Variants in MON2 observed in about 807,000 individuals in gnomAD.
MON2 encodes the protein MON2 regulator of endosome-to-Golgi trafficking.
A neutral mutation model predicts 208.6 loss-of-function variants in MON2; 84 were observed. The observed-to-expected ratio is 0.40, with a 90% CI of 0.34 to 0.48. The LOEUF is 0.48. Among genes scored for constraint, MON2 ranks in the 20% least tolerant of loss-of-function variants. The pLI, the probability that MON2 is intolerant of heterozygous loss-of-function variation, is 0.59. For synonymous variants in MON2, 660 were observed against 694.0 expected, an observed-to-expected ratio of 0.95 and a Z score of 0.77; for missense variants, 1,611 against 2,015.4, an observed-to-expected ratio of 0.80 and a Z score of 3.84.
chr12:62,571,348 G>A, intron 29 of MON2, 44 bp from the exon 30 acceptor site: 11 of 1,318,120 alleles, frequency 8.3e-6, no homozygotes, highest in South Asian at 1.6e-5. Context: ...AATTGTGTGT[G>A]TATGTTTTAA....
At chr12:62,516,699 C>T (rs2071711388) in intron 8 of MON2, among the ~76,000 whole-genome samples, 1 of 152,006 alleles carries the variant, frequency 6.6e-6, no homozygotes, top group South Asian at 2.1e-4. Flanking sequence ...AGCAAAACTC[C>T]ATCTCTAAAT....
At chr12:62,518,315 A>G (rs920405197) in intron 8 of MON2, among the ~76,000 whole-genome samples, 1 of 152,210 alleles carries the variant, frequency 6.6e-6, no homozygotes, top group African/African-American at 2.4e-5. Flanking sequence ...CTTTGCATAC[A>G]TTAATACATT....
chr12:62,546,785 C>A, intron 21 of MON2, 112 bp from the exon 22 acceptor site: 2 of 759,464 alleles, frequency 2.6e-6, no homozygotes, highest in Non-Finnish European at 4.0e-6. Context: ...ATAAAAATAT[C>A]TATTTCCCAT....
intron 1 of MON2, among the ~76,000 whole-genome samples, chr12:62,475,137 T>C (rs903448103): frequency 6.6e-6 from 1 of 152,218 alleles, no homozygotes; most frequent in African/African-American, 2.4e-5. Flanking sequence ...TCAAATCTTC[T>C]TCATATGCCT....
At chr12:62,491,079 A>G (rs777364520) in intron 2 of MON2, among the ~76,000 whole-genome samples, 1 of 152,120 alleles carries the variant, frequency 6.6e-6, no homozygotes, top group Non-Finnish European at 1.5e-5. Context: ...ATGGTTCTTC[A>G]TGTTATTATC....
intron 1 of MON2, among the ~76,000 whole-genome samples, chr12:62,476,011 CAAAAA>C (rs1361974795): frequency 2.1e-5 from 3 of 143,636 alleles, no homozygotes; most frequent in African/African-American, 4.9e-5. Context: ...AACTCCGTCT[CAAAAA>C]GAAAAGAAAA....
At chr12:62,549,456 CA>C (rs5798647) in intron 22 of MON2, among the ~76,000 whole-genome samples, 43,727 of 98,548 alleles carry the variant, frequency 0.44, 6,570 homozygotes, top group Middle Eastern at 0.5. Context: ...CCTGTCTCCA[CA>C]AAAAAAAAAA....
At chr12:62,573,668 T>C (rs73124311) in intron 30 of MON2, among the ~76,000 whole-genome samples, 7,346 of 151,938 alleles carry the variant, frequency 0.048, 205 homozygotes, top group Middle Eastern at 0.075. Context: ...TTGGAGGTTT[T>C]TTTTTGCTTG....
At chr12:62,508,744 C>T (rs1349539588) in intron 8 of MON2, 1 of 362,938 alleles carries the variant, frequency 2.8e-6, no homozygotes, top group Non-Finnish European at 5.0e-6. Flanking sequence ...TGGAACTCAG[C>T]TTCTTAGCTA....
At chr12:62,517,826 C>CTGTCTATCAAT (rs1333961187) in intron 8 of MON2, among the ~76,000 whole-genome samples, 23 of 152,234 alleles carry the variant, frequency 1.5e-4, no homozygotes, top group Non-Finnish European at 3.4e-4. Flanking sequence ...TCTATCAATT[C>CTGTCTATCAAT]TGTTATTTAA....
At chr12:62,474,410 G>A (rs1365037029) in intron 1 of MON2, among the ~76,000 whole-genome samples, 3 of 151,570 alleles carry the variant, frequency 2.0e-5, no homozygotes, top group Admixed American at 6.6e-5. Context: ...GAGCCACTGC[G>A]CCTGGCCTCT....
chr12:62,556,849 C>A (rs1196248319), intron 25 of MON2, among the ~76,000 whole-genome samples: 1 of 152,056 alleles, frequency 6.6e-6, no homozygotes, highest in Non-Finnish European at 1.5e-5. Flanking sequence ...GCTGAGGCAA[C>A]AGGATAGCTT....
In MON2 at chr12:62,561,068, A is replaced by C; in HGVS notation, c.3987A>C (p.Thr1329=). The change falls in exon 26 of 35, where the codon ACA becomes ACC. Residue 1329 remains threonine, a synonymous_variant. Transcript: ENST00000393630. ...CATCTTATACCGAAGCAGTTTTGAC[A>C]AGTTTACAGGAAGCTGTACTTACAG... is the stretch of plus-strand genomic sequence containing the variant. ...ILPSYTEAVL[T]SLQEAVLTAL... is the part of the protein sequence containing the mutation. 6.2e-7 allele frequency: 1 copy of C among 1,613,196 alleles called. No homozygotes were observed. The highest frequency in any genetic ancestry group is 8.5e-7 in the Non-Finnish European group (1 of 1,179,512).
At chr12:62,557,582 A>T (rs2074015942) in intron 25 of MON2, among the ~76,000 whole-genome samples, 1 of 152,188 alleles carries the variant, frequency 6.6e-6, no homozygotes, top group South Asian at 2.1e-4. Flanking sequence ...GTACATAGTT[A>T]TGAGCATGTT....
Position 62,552,993 on chromosome 12 carries a change from G to C in MON2, c.3029G>C (p.Arg1010Pro). The C allele has an allele frequency of 6.2e-7, 1 of 1,614,126 alleles. No individual in the cohort carries two copies. Among genetic ancestry groups the C allele is most frequent in the South Asian group, 1.1e-5 (1 of 91,074 alleles). Residue 1010 changes from arginine (R) to proline (P), a missense_variant, in exon 24 of 35, where the codon CGG becomes CCG. Arg to Pro is a moderately radical substitution (Grantham distance 103). Transcript: ENST00000393630. Reference sequence around the variant, plus strand: ...GAAGAGAAAGGAGTTGTTTTAAATCGGCCATTCCACCCTGCACCGCCATTT... The same window carrying C: ...GAAGAGAAAGGAGTTGTTTTAAATCCGCCATTCCACCCTGCACCGCCATTT... ...QAEEKGVVLNRPFHPAPPFDC... is the reference protein window; with the variant it reads ...QAEEKGVVLNPPFHPAPPFDC...
chr12:62,477,287 G>A (rs2135970502), intron 1 of MON2, among the ~76,000 whole-genome samples: 1 of 152,250 alleles, frequency 6.6e-6, no homozygotes, highest in East Asian at 1.9e-4. Context: ...ATAGTTTTGA[G>A]TGGACATTTG....
intron 7 of MON2, among the ~76,000 whole-genome samples, chr12:62,501,975 A>C (rs993221851): frequency 1.3e-5 from 2 of 152,116 alleles, no homozygotes; most frequent in Admixed American, 6.5e-5. Context: ...TAATCCCAGC[A>C]CTTTGGAAGG....
intron 1 of MON2, among the ~76,000 whole-genome samples, chr12:62,481,744 A>G (rs1014010975): frequency 5.9e-5 from 9 of 152,148 alleles, no homozygotes; most frequent in Admixed American, 5.9e-4. Flanking sequence ...TCCATTTTCT[A>G]AAGTTTTAGA....
chr12:62,533,017 GC>G (rs749439903), intron 12 of MON2, among the ~76,000 whole-genome samples: 13 of 152,220 alleles, frequency 8.5e-5, no homozygotes, highest in Middle Eastern at 3.4e-3. Flanking sequence ...TTTGCCAGTT[GC>G]CCTAGTGATG....
Sources: gnomAD v4.1 joint callset for allele counts (sites outside exome capture counted in the v4.1 genomes callset) on GRCh38, gnomAD v4.1.1 for gene constraint, MANE v1.5 for transcripts, NCBI Gene and HGNC (gene_info 2026-07-23, HGNC 2026-07-21) for gene names.